ARMH3: variants seen among roughly 807,000 people sequenced by gnomAD.
The protein encoded by ARMH3 is armadillo-like helical domain-containing protein 3.
In ARMH3, 60 loss-of-function variants were observed where a neutral mutation model predicts 99.1. The ratio of observed to expected loss-of-function variants is 0.61; its 90% CI spans 0.49 to 0.75. ARMH3 has a LOEUF of 0.75. ARMH3 is among the 30% of genes least tolerant of loss of function. ARMH3 has a pLI of 0.00. For synonymous variants in ARMH3, 285 were observed against 292.8 expected (o/e 0.97, Z 0.27); for missense variants, 679 against 843.1 (o/e 0.81, Z 2.41).
At chr10:101,987,695 T>C (rs1375963040) in intron 19 of ARMH3, among the ~76,000 whole-genome samples, 6 of 152,178 alleles carry the variant, frequency 3.9e-5, no homozygotes, top group African/African-American at 9.7e-5. Context: ...TCCCCTTTTC[T>C]CTCTTAGATT....
intron 23 of ARMH3, among the ~76,000 whole-genome samples, chr10:101,926,979 A>G (rs1386970652): frequency 6.6e-6 from 1 of 152,108 alleles, no homozygotes; most frequent in Non-Finnish European, 1.5e-5. Context: ...TCTCATCCCT[A>G]TGACCCCATT....
intron 23 of ARMH3, among the ~76,000 whole-genome samples, chr10:101,903,271 A>G (rs1220550165): frequency 6.6e-6 from 1 of 152,212 alleles, no homozygotes; most frequent in Non-Finnish European, 1.5e-5. Flanking sequence ...GTTTGCCAGC[A>G]CTGCCAGTGA....
At chr10:101,858,983 G>A (rs546400681) in intron 24 of ARMH3, among the ~76,000 whole-genome samples, 36 of 152,336 alleles carry the variant, frequency 2.4e-4, no homozygotes, top group African/African-American at 7.5e-4. Context: ...AGACCCTGAT[G>A]TACCTTCTGC....
intron 8 of ARMH3, among the ~76,000 whole-genome samples, chr10:102,020,932 C>G (rs941784537): frequency 2.0e-5 from 3 of 151,964 alleles, no homozygotes; most frequent in Non-Finnish European, 4.4e-5. Context: ...CAGACTCACC[C>G]AGAGCAATTT....
At chr10:101,872,605 G>A (rs1564707169) in intron 24 of ARMH3, among the ~76,000 whole-genome samples, 1 of 152,092 alleles carries the variant, frequency 6.6e-6, no homozygotes, top group Admixed American at 6.6e-5. Flanking sequence ...GGCTGAAGCA[G>A]GAGAATCACT....
intron 23 of ARMH3, among the ~76,000 whole-genome samples, chr10:101,932,533 A>G (rs1321615063): frequency 1.3e-5 from 2 of 152,274 alleles, no homozygotes; most frequent in African/African-American, 2.4e-5. Flanking sequence ...TGACACGAAA[A>G]TGGAGAAACA....
chr10:101,855,698 A>AAT (rs571801302), intron 24 of ARMH3, among the ~76,000 whole-genome samples: 6,487 of 146,710 alleles, frequency 0.044, 185 homozygotes, highest in Non-Finnish European at 0.057. Context: ...GGTGTGAAAA[A>AAT]ATATATATAT....
chr10:102,053,373 C>T (rs1332498625), intron 1 of ARMH3, among the ~76,000 whole-genome samples: 1 of 151,954 alleles, frequency 6.6e-6, no homozygotes, highest in Admixed American at 6.6e-5. Context: ...CTCACCAAGC[C>T]TTTGCAAGTA....
rs1846037013 is a variant in ARMH3 at position 101,976,898 on chromosome 10, C to G, written c.1407-1598G>C. Among the ~76,000 whole-genome samples the G allele has an allele frequency of 2.0e-5, 3 of 152,128 alleles. No individual in the cohort carries two copies. The South Asian group carries it at 6.2e-4, about 31-fold the overall frequency. On this transcript the variant is annotated intron_variant, in intron 19 of 25. Transcript: ENST00000370033. ...GAACTCCTGGCCTCAAGTGATCCAC[C>G]TGCCTTGACCTCCCCAAGTTCTGGG... is the stretch of plus-strand genomic sequence containing the variant.
At chr10:101,986,200 C>T (rs542110882) in intron 19 of ARMH3, among the ~76,000 whole-genome samples, 1 of 152,090 alleles carries the variant, frequency 6.6e-6, no homozygotes, top group Admixed American at 6.6e-5. Context: ...CCTGTAGGAC[C>T]CACTGAAGTC....
At chr10:101,865,952 G>A (rs544763540) in intron 24 of ARMH3, among the ~76,000 whole-genome samples, 1 of 151,492 alleles carries the variant, frequency 6.6e-6, no homozygotes, top group South Asian at 2.1e-4. Flanking sequence ...TGGGTGCGGT[G>A]GCTCACGCCT....
chr10:101,956,166 C>T (rs2135805432), intron 22 of ARMH3, among the ~76,000 whole-genome samples: 1 of 152,258 alleles, frequency 6.6e-6, no homozygotes, highest in East Asian at 1.9e-4. Context: ...TTATCTAATG[C>T]CCACTTCCAC....
At chr10:102,053,017 C>T (rs1457270124) in intron 1 of ARMH3, among the ~76,000 whole-genome samples, 1 of 151,956 alleles carries the variant, frequency 6.6e-6, no homozygotes, top group Non-Finnish European at 1.5e-5. Flanking sequence ...AAATCCTAGC[C>T]CACTCTCTTC....
chr10:102,037,906 C>CTATCACTTTCTCTCAAG (rs1372854241), intron 2 of ARMH3, among the ~76,000 whole-genome samples: 2 of 151,832 alleles, frequency 1.3e-5, no homozygotes, highest in African/African-American at 4.8e-5. Context: ...TGGATTCTAT[C>CTATCACTTTCTCTCAAG]TATCACTTTC....
chr10:101,905,926 G>A (rs979432625), intron 23 of ARMH3, among the ~76,000 whole-genome samples: 1 of 152,086 alleles, frequency 6.6e-6, no homozygotes, highest in Admixed American at 6.5e-5. Context: ...GTCTTTTCCC[G>A]GAGTATCATT....
At chr10:102,041,518 T>C (rs996417771) in intron 1 of ARMH3, among the ~76,000 whole-genome samples, 8 of 152,184 alleles carry the variant, frequency 5.3e-5, no homozygotes, top group Non-Finnish European at 1.2e-4. Flanking sequence ...GGAAGAGATG[T>C]ATCCAATAGT....
intron 24 of ARMH3, among the ~76,000 whole-genome samples, chr10:101,872,222 A>AGTGT (rs139187179): frequency 1.3e-5 from 2 of 150,042 alleles, no homozygotes; most frequent in Non-Finnish European, 3.0e-5. Context: ...ATATTTAGAG[A>AGTGT]GTGTGTGTGT....
rs117795846 is a variant in ARMH3, at chr10:102,034,682, G to A, written c.103-1343C>T. Among the ~76,000 whole-genome samples the A allele has an allele frequency of 4.4e-3, 671 of 151,646 alleles. 21 individuals are homozygous for A. The East Asian group carries it at 0.079, about 18-fold the overall frequency. On this transcript the variant is annotated intron_variant, in intron 2 of 25. Transcript: ENST00000370033. ...GAGAAGCCCTACTTTAAAGAAAGGGGAATGGCATAAAATAAGTAGGTCAAT... is the reference window on the plus strand; with the variant it reads ...GAGAAGCCCTACTTTAAAGAAAGGGAAATGGCATAAAATAAGTAGGTCAAT...
intron 19 of ARMH3, among the ~76,000 whole-genome samples, chr10:101,980,305 GT>G (rs1346344915): frequency 6.6e-6 from 1 of 151,910 alleles, no homozygotes; most frequent in Admixed American, 6.6e-5. Context: ...GTTTTGTTTT[GT>G]TTTTGTTTTT....
Sources: gnomAD v4.1 joint callset for allele counts (sites outside exome capture counted in the v4.1 genomes callset) on GRCh38, gnomAD v4.1.1 for gene constraint, MANE v1.5 for transcripts, NCBI Gene and HGNC (gene_info 2026-07-23, HGNC 2026-07-21) for gene names.